EVI5L: variants seen among roughly 807,000 people sequenced by gnomAD.
EVI5L encodes the protein ecotropic viral integration site 5 like.
In EVI5L, 30 loss-of-function variants were observed where a neutral mutation model predicts 106.1. That is an observed-to-expected ratio of 0.28 (90% CI 0.21 to 0.38). EVI5L has a LOEUF of 0.38. EVI5L is among the 10% of genes least tolerant of loss of function. The pLI, the probability that EVI5L is intolerant of heterozygous loss-of-function variation, is 1.00. For missense variants in EVI5L, 809 were observed against 1,098.0 expected (o/e 0.74, Z 3.72); for synonymous variants, 489 against 483.3 (o/e 1.01, Z -0.15).
intron 1 of EVI5L, among the ~76,000 whole-genome samples, chr19:7,832,805 C>T (rs1978299285): frequency 6.6e-6 from 1 of 152,032 alleles, no homozygotes; most frequent in South Asian, 2.1e-4. Flanking sequence ...CCAGGAGGAC[C>T]ACGGGGAACA....
At position 7,845,129 on chromosome 19, in the gene EVI5L, G is replaced by A. The variant is rs1342533768; in HGVS notation, c.-47-1367G>A. On this transcript the variant is annotated intron_variant, in intron 1 of 19. Transcript: ENST00000538904. The surrounding 1 kb of genome is among the most constrained non-coding windows in gnomAD (Gnocchi z 4.0). ...TCTCTGTAGGTGGAGCTGTCAGCCA[G>A]GTCAGGTGGGGTCAAGTGGCACACG... is the stretch of plus-strand genomic sequence containing the variant. Among the ~76,000 whole-genome samples the A allele has an allele frequency of 2.0e-5, 3 of 152,152 alleles. No individual in the cohort carries two copies. The highest frequency in any genetic ancestry group is 7.2e-5 in the African/African-American group (3 of 41,428).
Position 7,835,236 on chromosome 19 carries a change from G to A in EVI5L, c.-48+4855G>A, listed in dbSNP as rs890234382. ...GAAAGTGGTAGAGGAGGCCAGGAGC[G>A]GTGGCTCACACCTGTAATCCCAGTA... On this transcript the variant is annotated intron_variant, in intron 1 of 19. Coordinates refer to ENST00000538904, the MANE Select transcript of EVI5L (RefSeq NM_001159944.3). The surrounding 1 kb of genome is among the most constrained non-coding windows in gnomAD (Gnocchi z 4.1). 3.3e-5 allele frequency among the ~76,000 whole-genome samples: 5 copies of A among 151,818 alleles called. No homozygotes were observed. Among genetic ancestry groups the A allele is most frequent in the African/African-American group, 4.8e-5 (2 of 41,330 alleles).
In EVI5L at chr19:7,863,793, C is replaced by T. The variant is rs889195484; in HGVS notation, c.*91C>T. On this transcript the variant is annotated 3_prime_UTR_variant, in exon 20 of 20. Transcript: ENST00000538904. The surrounding 1 kb of genome is among the most constrained non-coding windows in gnomAD (Gnocchi z 7.7). Reference sequence around the variant, plus strand: ...TCTGCTCCCCACCTGCCGCACTTGACAAACTACGCGCCCTCTGTGGCTCGG... The same window carrying T: ...TCTGCTCCCCACCTGCCGCACTTGATAAACTACGCGCCCTCTGTGGCTCGG... 3 of 1,404,028 alleles carry T rather than the reference C, an allele frequency of 2.1e-6. No individual in the cohort carries two copies. The African/African-American group carries it at 4.5e-5, about 21-fold the overall frequency. 87.0% of individuals were successfully genotyped at this position (1,404,028 alleles called of 1,614,324 possible).
intron 1 of EVI5L, among the ~76,000 whole-genome samples, chr19:7,844,343 A>G (rs1310321831): frequency 3.1e-5 from 4 of 127,480 alleles, no homozygotes; most frequent in East Asian, 3.9e-4. Flanking sequence ...AAAAAAAAAA[A>G]AAAAAAAGAA....
intron 14 of EVI5L, 30 bp from the exon 15 acceptor site, chr19:7,861,848 C>G (rs757643433): frequency 6.5e-7 from 1 of 1,549,404 alleles, no homozygotes; most frequent in Non-Finnish European, 8.7e-7. Flanking sequence ...TGCGCTGCTC[C>G]CCCAGGCCCT....
At chr19:7,837,073 G>A (rs1035944266) in intron 1 of EVI5L, among the ~76,000 whole-genome samples, 1 of 149,534 alleles carries the variant, frequency 6.7e-6, no homozygotes. Context: ...GCTCACGCCT[G>A]TAATCCCAGC....
intron 5 of EVI5L, 146 bp from the exon 6 acceptor site, chr19:7,849,851 A>G: frequency 1.5e-6 from 1 of 667,428 alleles, no homozygotes; most frequent in South Asian, 1.9e-5. Context: ...TTGTGAGGAC[A>G]CAGGGACCAA....
intron 2 of EVI5L, 101 bp from the exon 3 acceptor site, chr19:7,847,631 G>A (rs1818669792): frequency 8.3e-7 from 1 of 1,204,504 alleles, no homozygotes; most frequent in Non-Finnish European, 1.2e-6. Context: ...AATCCCTGGT[G>A]TCCTCTAAGA....
intron 3 of EVI5L, 57 bp downstream of exon 3, chr19:7,847,978 C>A: frequency 6.7e-7 from 1 of 1,488,148 alleles, no homozygotes; most frequent in South Asian, 1.3e-5. Context: ...GTGGTGCGGT[C>A]ACTCAGCCAC....
At position 7,858,437 on chromosome 19, in the gene EVI5L, G is replaced by A; in HGVS notation, c.1374+106G>A. 7.2e-7 allele frequency: 1 copy of A among 1,383,374 alleles called. No homozygotes were observed. 85.7% of individuals were successfully genotyped at this position (1,383,374 alleles called of 1,614,324 possible). On this transcript the variant is annotated intron_variant, in intron 13 of 19. Coordinates refer to ENST00000538904, the MANE Select transcript of EVI5L (RefSeq NM_001159944.3). This position sits in a 1 kb window ranked among gnomAD's most constrained non-coding sequence, Gnocchi z 5.7. ...CATAATCTGCCCCGCCTCAGCACCTGGCCCTCCTGTTCCTTTCTGGGGTAA... is the reference window on the plus strand; with the variant it reads ...CATAATCTGCCCCGCCTCAGCACCTAGCCCTCCTGTTCCTTTCTGGGGTAA...
At chr19:7,844,135 G>A (rs531208617) in intron 1 of EVI5L, among the ~76,000 whole-genome samples, 1 of 151,778 alleles carries the variant, frequency 6.6e-6, no homozygotes, top group East Asian at 1.9e-4. Flanking sequence ...GATGGATTCC[G>A]AGGTCAGGAG....
chr19:7,844,183 T>C (rs1978842488), intron 1 of EVI5L, among the ~76,000 whole-genome samples: 1 of 151,662 alleles, frequency 6.6e-6, no homozygotes, highest in Non-Finnish European at 1.5e-5. Context: ...AAACCCCGTC[T>C]CTACTAAAAA....
intron 1 of EVI5L, among the ~76,000 whole-genome samples, chr19:7,839,465 C>T (rs140028746): frequency 0.011 from 1,743 of 152,144 alleles, 13 homozygotes; most frequent in Non-Finnish European, 0.016. Flanking sequence ...AGGGCATGCA[C>T]GTCTTGCAAA....
At position 7,863,801 on chromosome 19, in the gene EVI5L, G is replaced by T. The variant is rs1009412039; in HGVS notation, c.*99G>T. The T allele has an allele frequency of 9.3e-6, 13 of 1,396,266 alleles. No individual in the cohort carries two copies. The African/African-American group carries it at 1.8e-4, about 19-fold the overall frequency. 86.5% of individuals were successfully genotyped at this position (1,396,266 alleles called of 1,614,324 possible). ...CCACCTGCCGCACTTGACAAACTACGCGCCCTCTGTGGCTCGGCCACCCCT... is the reference window on the plus strand; with the variant it reads ...CCACCTGCCGCACTTGACAAACTACTCGCCCTCTGTGGCTCGGCCACCCCT... On this transcript the variant is annotated 3_prime_UTR_variant, in exon 20 of 20. Coordinates refer to ENST00000538904, the MANE Select transcript of EVI5L (RefSeq NM_001159944.3). The surrounding 1 kb of genome is among the most constrained non-coding windows in gnomAD (Gnocchi z 7.7).
rs1415048658 is a variant in EVI5L, at chr19:7,863,080, G to A, written c.2043+13G>A. On this transcript the variant is annotated intron_variant, in intron 18 of 19. Coordinates refer to ENST00000538904, the MANE Select transcript of EVI5L (RefSeq NM_001159944.3). This position sits in a 1 kb window ranked among gnomAD's most constrained non-coding sequence, Gnocchi z 7.7. ...GCTGGAGATCCAGGTGATCGGCGGG[G>A]CCGGGGTCGGGGGGCGGGGGCGGGG... The A allele has an allele frequency of 2.2e-6, 3 of 1,385,664 alleles. 1 individual carries two copies. The highest frequency in any genetic ancestry group is 2.0e-5 in the Admixed American group (1 of 49,590). 85.8% of individuals were successfully genotyped at this position (1,385,664 alleles called of 1,614,324 possible).
chr19:7,857,742 G>A lies in EVI5L; in HGVS notation c.1234-449G>A, dbSNP rs1014217685. ...TAGCTCCAGGCAGGTGGAGGCCCCA[G>A]AGCCCAGGACTAGAGAAGATGCCGC... On this transcript the variant is annotated intron_variant, in intron 12 of 19. Coordinates refer to ENST00000538904, the MANE Select transcript of EVI5L (RefSeq NM_001159944.3). The surrounding 1 kb of genome is among the most constrained non-coding windows in gnomAD (Gnocchi z 4.5). The A allele has an allele frequency of 5.3e-6, 1 of 187,186 alleles. No homozygotes were observed. Among genetic ancestry groups the A allele is most frequent in the Non-Finnish European group, 1.1e-5 (1 of 90,108 alleles). 11.6% of individuals were successfully genotyped at this position (187,186 alleles called of 1,614,324 possible).
Position 7,850,449 on chromosome 19 carries a change from AGT to A in EVI5L, c.753+331_753+332del, listed in dbSNP as rs2146427279. On this transcript the variant is annotated intron_variant, in intron 6 of 19. Coordinates refer to ENST00000538904, the MANE Select transcript of EVI5L (RefSeq NM_001159944.3). This position sits in a 1 kb window ranked among gnomAD's most constrained non-coding sequence, Gnocchi z 5.4. ...ACAGCCACCTCCCTGTCTGCTCCAGAGTGTGGTGGAAGGAGGGAGTGTTGTCT... is the reference window on the plus strand; with the variant it reads ...ACAGCCACCTCCCTGTCTGCTCCAGAGTGGTGGAAGGAGGGAGTGTTGTCT... Among the ~76,000 whole-genome samples, 1 of 152,190 alleles carries A rather than the reference AGT, an allele frequency of 6.6e-6. No homozygotes were observed. The highest frequency in any genetic ancestry group is 2.4e-5 in the African/African-American group (1 of 41,518).
Position 7,835,290 on chromosome 19 carries a change from C to T in EVI5L, c.-48+4909C>T, listed in dbSNP as rs1978323398. On this transcript the variant is annotated intron_variant, in intron 1 of 19. Transcript: ENST00000538904. The surrounding 1 kb of genome is among the most constrained non-coding windows in gnomAD (Gnocchi z 4.1). ...TGGGAGGCTGAGGCGGGTGCATCAC[C>T]TGAGGTCAGGAGTTCGAGACCAGCT... Among the ~76,000 whole-genome samples the T allele has an allele frequency of 6.6e-6, 1 of 151,968 alleles. No homozygotes were observed. Among genetic ancestry groups the T allele is most frequent in the African/African-American group, 2.4e-5 (1 of 41,366 alleles).
At chr19:7,837,983 G>T (rs991929634) in intron 1 of EVI5L, among the ~76,000 whole-genome samples, 6 of 152,062 alleles carry the variant, frequency 3.9e-5, no homozygotes, top group African/African-American at 1.4e-4. Flanking sequence ...GATTACAGGT[G>T]TGAGCCCCCA....
Sources: gnomAD v4.1 joint callset for allele counts (sites outside exome capture counted in the v4.1 genomes callset) on GRCh38, gnomAD v4.1.1 for gene constraint, Gnocchi (gnomAD v3.1) non-coding constraint, MANE v1.5 for transcripts, NCBI Gene and HGNC (gene_info 2026-07-23, HGNC 2026-07-21) for gene names.